Variants in MPDZ observed in about 807,000 individuals in gnomAD.
MPDZ encodes multiple PDZ domain protein.
A neutral mutation model predicts 239.1 loss-of-function variants in MPDZ; 234 were observed. That is an observed-to-expected ratio of 0.98 (90% confidence interval 0.88 to 1.09). MPDZ has a LOEUF of 1.09. MPDZ is among the 50% of genes least tolerant of loss of function. The pLI is 0.00. For synonymous variants in MPDZ, 1,048 were observed against 881.3 expected (o/e 1.19, Z -3.35); for missense variants, 3,175 against 2,510.0 (o/e 1.26, Z -5.66).
chr9:13,246,507 TATAACAACAACAC>T (rs1424118929), intron 3 of MPDZ, among the ~76,000 whole-genome samples: 1 of 152,172 alleles, frequency 6.6e-6, no homozygotes, highest in Non-Finnish European at 1.5e-5. Context: ...CACAACTACA[TATAACAACAACAC>T]CTTAAATTCA....
chr9:13,130,393 A>G (rs2131990395), intron 32 of MPDZ, among the ~76,000 whole-genome samples: 1 of 152,300 alleles, frequency 6.6e-6, no homozygotes, highest in East Asian at 1.9e-4. Context: ...CCTGATCTCA[A>G]CATTTTTCCC....
intron 1 of MPDZ, among the ~76,000 whole-genome samples, chr9:13,259,514 A>T (rs1970193530): frequency 6.6e-6 from 1 of 152,168 alleles, no homozygotes; most frequent in Non-Finnish European, 1.5e-5. Flanking sequence ...CAAGTGAATG[A>T]AAGGAAAAGA....
chr9:13,127,907 C>G (rs1945355168), intron 32 of MPDZ, among the ~76,000 whole-genome samples: 1 of 152,184 alleles, frequency 6.6e-6, no homozygotes, highest in South Asian at 2.1e-4. Context: ...CCTACGAAAT[C>G]TAGATTTTCT....
At chr9:13,110,568 T>A in intron 44 of MPDZ, 68 bp downstream of exon 44, 1 of 1,062,700 alleles carries the variant, frequency 9.4e-7, no homozygotes, top group Non-Finnish European at 1.4e-6. Context: ...TTTTACTGCT[T>A]TAACATCAAA....
intron 12 of MPDZ, among the ~76,000 whole-genome samples, chr9:13,200,003 T>C (rs1166845563): frequency 6.6e-6 from 1 of 152,008 alleles, no homozygotes; most frequent in Non-Finnish European, 1.5e-5. Flanking sequence ...CCTCTTCAAT[T>C]TTTTGGAATA....
chr9:13,125,481 C>A, intron 34 of MPDZ, 91 bp from the exon 35 acceptor site: 1 of 1,214,538 alleles, frequency 8.2e-7, no homozygotes, highest in East Asian at 2.5e-5. Flanking sequence ...GAATCTAATT[C>A]TCTCTATGGT....
intron 38 of MPDZ, chr9:13,120,547 G>T (rs1183762142): frequency 6.6e-6 from 1 of 152,174 alleles, no homozygotes; most frequent in Non-Finnish European, 1.5e-5. Flanking sequence ...CTAGACTACT[G>T]ATACTGTATT....
intron 46 of MPDZ, 128 bp downstream of exon 46, chr9:13,108,808 T>A: frequency 3.3e-6 from 3 of 903,730 alleles, no homozygotes; most frequent in Admixed American, 3.5e-5. Context: ...CTGTAGGGAG[T>A]TTTGAAAAGA....
At position 13,221,460 on chromosome 9, in the gene MPDZ, T is replaced by C; in HGVS notation, c.788A>G (p.Asp263Gly). Reference protein sequence around the residue: ...QHMETIELVNDGSGLGFGIIG... With the variant: ...QHMETIELVNGGSGLGFGIIG... ...GATGCCAAATCCCAAACCAGATCCA[T>C]CATTCACCAATTCAATCGTTTCCAT... Residue 263 changes from aspartate to glycine, a missense_variant, in exon 7 of 47, where the codon GAT becomes GGT. Transcript: ENST00000319217. 2.5e-6 allele frequency: 4 copies of C among 1,611,234 alleles called. No individual in the cohort carries two copies. The highest frequency in any genetic ancestry group is 3.4e-6 in the Non-Finnish European group (4 of 1,178,236).
At chr9:13,209,557 T>C (rs1489025783) in intron 10 of MPDZ, among the ~76,000 whole-genome samples, 1 of 152,212 alleles carries the variant, frequency 6.6e-6, no homozygotes, top group Non-Finnish European at 1.5e-5. Context: ...TTTTTGAGAA[T>C]GACCAAGGGT....
At chr9:13,186,440 GA>G in intron 17 of MPDZ, 54 bp from the exon 18 acceptor site, 2 of 1,278,988 alleles carry the variant, frequency 1.6e-6, no homozygotes, top group East Asian at 2.5e-5. Context: ...AAAGAAGAAA[GA>G]AAATGGAAAA....
At chr9:13,189,020 A>T (rs1954537239) in intron 16 of MPDZ, 27 bp from the exon 17 acceptor site, 2 of 1,589,920 alleles carry the variant, frequency 1.3e-6, no homozygotes, top group Admixed American at 1.7e-5. Context: ...GGAAAGAGTC[A>T]GCTCATTTTA....
intron 12 of MPDZ, among the ~76,000 whole-genome samples, chr9:13,199,058 T>C (rs980179921): frequency 3.9e-5 from 6 of 152,006 alleles, no homozygotes; most frequent in Non-Finnish European, 8.8e-5. Flanking sequence ...ATGCCATTGG[T>C]ATATTCATAG....
rs142011477 is a variant in MPDZ, at chr9:13,205,906, A to C, written c.1474+10T>G. The C allele has an allele frequency of 2.2e-4, 342 of 1,565,428 alleles. 2 individuals are homozygous for C. In the East Asian group the frequency reaches 3.1e-3, roughly 14 times the overall value. ...AGGTCTAACTAAAAACCAGATTAAC[A>C]TAGGATTACCTTTGATTATGCTGGC... On this transcript the variant is annotated intron_variant, in intron 11 of 46. Transcript: ENST00000319217.
At chr9:13,176,718 TA>T (rs1173248406) in intron 19 of MPDZ, among the ~76,000 whole-genome samples, 1 of 152,120 alleles carries the variant, frequency 6.6e-6, no homozygotes, top group Non-Finnish European at 1.5e-5. Flanking sequence ...TATTTACAAA[TA>T]AAATTATTCA....
At chr9:13,135,503 G>C (rs530602089) in intron 31 of MPDZ, 1 of 152,086 alleles carries the variant, frequency 6.6e-6, no homozygotes, top group East Asian at 1.9e-4. Flanking sequence ...TGCTACCTCT[G>C]ATTTTTCTCT....
At chr9:13,143,389 G>A (rs1283275546) in intron 27 of MPDZ, 77 bp downstream of exon 27, 20 of 1,138,346 alleles carry the variant, frequency 1.8e-5, no homozygotes, top group Non-Finnish European at 2.5e-5. Flanking sequence ...AGTGAACTGG[G>A]ACAAAGACAC....
rs780669748 is a variant in MPDZ, at chr9:13,121,765, G to A, written c.5205C>T (p.Gly1735=). The change falls in exon 38 of 47, where the codon GGC becomes GGT. Residue 1735 remains glycine, a synonymous_variant. Coordinates refer to ENST00000319217, the MANE Select transcript of MPDZ (RefSeq NM_001378778.1). ...TIELQKKPGK[G]LGLSIVGKRN... is the part of the protein sequence containing the mutation. The stretch of plus-strand genomic sequence containing the variant: ...TTTTACCAACAATACTTAATCCTAG[G>A]CCTTTTCCCGGCTTCTTCTGCAGCT... 2 of 1,613,846 alleles carry A rather than the reference G, an allele frequency of 1.2e-6. No individual in the cohort carries two copies. The highest frequency in any genetic ancestry group is 1.7e-6 in the Non-Finnish European group (2 of 1,179,870).
Position 13,222,280 on chromosome 9 carries a change from A to G in MPDZ, c.700T>C (p.Ser234Pro). ...GTGCTGGCTGCAGATGGAGAACGGG[A>G]AACTATGGGGCTGACAAGCTGAGGC... Reference protein sequence around the residue: ...SLPQLVSPIVSRSPSAASTIS... With the variant: ...SLPQLVSPIVPRSPSAASTIS... The change falls in exon 6 of 47, where the codon TCC becomes CCC. Residue 234 changes from serine to proline, a missense_variant. By Grantham distance (74) the Ser-to-Pro change is moderately conservative. Coordinates refer to ENST00000319217, the MANE Select transcript of MPDZ (RefSeq NM_001378778.1). 6.2e-7 allele frequency: 1 copy of G among 1,612,842 alleles called. No individual in the cohort carries two copies. The highest frequency in any genetic ancestry group is 8.5e-7 in the Non-Finnish European group (1 of 1,179,228).
Sources: allele counts gnomAD v4.1 joint callset (sites outside exome capture counted in the v4.1 genomes callset), GRCh38; gene constraint gnomAD v4.1.1; transcripts MANE v1.5; gene names NCBI Gene and HGNC (gene_info 2026-07-23, HGNC 2026-07-21).